The following PPP2CA variants were observed in gnomAD, a reference collection of about 807,000 sequenced individuals.
PPP2CA encodes the protein serine/threonine-protein phosphatase 2A catalytic subunit alpha isoform.
PPP2CA carries 5 observed loss-of-function variants against 38.8 expected under a neutral mutation model. The ratio of observed to expected loss-of-function variants is 0.13; its 90% confidence interval spans 0.07 to 0.27. The LOEUF is 0.27. Among genes scored for constraint, PPP2CA ranks in the 10% least tolerant of loss-of-function variants. The pLI is 1.00. For missense variants in PPP2CA, 88 were observed against 389.7 expected, an observed-to-expected ratio of 0.23 and a Z score of 6.52; for synonymous variants, 152 against 134.0, an observed-to-expected ratio of 1.13 and a Z score of -0.93.
intron 2 of PPP2CA, among the ~76,000 whole-genome samples, chr5:134,202,966 T>C (rs748477954): frequency 1.3e-5 from 2 of 152,228 alleles, no homozygotes; most frequent in African/African-American, 2.4e-5. Flanking sequence ...ATTTCCCTGA[T>C]TACAATTGAT....
chr5:134,202,937 C>T (rs1412591137), intron 2 of PPP2CA, among the ~76,000 whole-genome samples: 1 of 152,218 alleles, frequency 6.6e-6, no homozygotes, highest in Non-Finnish European at 1.5e-5. Flanking sequence ...GAAGTAGTAA[C>T]TCAGTTACTT....
Position 134,200,568 on chromosome 5 carries a change from G to A in PPP2CA, c.577-72C>T, listed in dbSNP as rs1318709094. On this transcript the variant is annotated intron_variant, in intron 4 of 6. Coordinates refer to ENST00000481195, the MANE Select transcript of PPP2CA (RefSeq NM_002715.4). The stretch of plus-strand genomic sequence containing the variant: ...AACACATTATTTGAGTAATTCATCA[G>A]AAGCAGCACCCTAAGCCACCCTTTT... 3.9e-6 allele frequency: 6 copies of A among 1,528,026 alleles called. No homozygotes were observed. The African/African-American group carries it at 5.5e-5, about 14-fold the overall frequency. The allele number at this position is 1,528,026 out of a possible 1,614,324, so 94.7% of individuals were successfully genotyped here. A position where few individuals can be genotyped will look rare whatever the true frequency, so the allele number is the denominator to read the frequency against.
chr5:134,216,013 A>C (rs1216346293), intron 1 of PPP2CA, among the ~76,000 whole-genome samples: 1 of 152,214 alleles, frequency 6.6e-6, no homozygotes, highest in Non-Finnish European at 1.5e-5. Context: ...CTCCAGGGAA[A>C]ACACCCAAGC....
At chr5:134,215,102 T>C (rs1762289121) in intron 1 of PPP2CA, among the ~76,000 whole-genome samples, 2 of 150,532 alleles carry the variant, frequency 1.3e-5, no homozygotes, top group Admixed American at 6.6e-5. Context: ...ATTTACTTTT[T>C]TTTTTTTTTT....
In PPP2CA at chr5:134,201,877, G is replaced by A; in HGVS notation, c.457C>T (p.Leu153Phe). 6.2e-7 allele frequency: 1 copy of A among 1,613,772 alleles called. No individual in the cohort carries two copies. The highest frequency in any genetic ancestry group is 2.2e-5 in the East Asian group (1 of 44,858). The change falls in exon 3 of 7, where the codon CTT becomes TTT. Residue 153 changes from leucine to phenylalanine, a missense_variant. This residue lies in a region of PPP2CA where 36 missense variants were observed against 259.8 expected (regional missense o/e 0.14). Coordinates refer to ENST00000481195, the MANE Select transcript of PPP2CA (RefSeq NM_002715.4). Reference protein sequence around the residue: ...WKYFTDLFDYLPLTALVDGQI... With the variant: ...WKYFTDLFDYFPLTALVDGQI... ...CCATCCACCAAGGCAGTGAGAGGAA[G>A]ATAGTCAAAAAGATCTGTAAAATAT...
chr5:134,206,982 G>A (rs1323191426), intron 1 of PPP2CA, among the ~76,000 whole-genome samples: 1 of 152,190 alleles, frequency 6.6e-6, no homozygotes, highest in Non-Finnish European at 1.5e-5. Context: ...AGGGAAACTG[G>A]GAGAGACCAC....
intron 1 of PPP2CA, among the ~76,000 whole-genome samples, chr5:134,214,571 T>C (rs1247811530): frequency 2.0e-5 from 3 of 152,334 alleles, no homozygotes; most frequent in Non-Finnish European, 2.9e-5. Context: ...CAATGTGGTA[T>C]CACTAATTTA....
intron 6 of PPP2CA, 126 bp from the exon 7 acceptor site, chr5:134,197,970 G>T (rs1761889972): frequency 1.3e-6 from 1 of 742,916 alleles, no homozygotes; most frequent in Non-Finnish European, 2.4e-6. Flanking sequence ...TAATGTAACA[G>T]AACCTTAATG....
intron 1 of PPP2CA, among the ~76,000 whole-genome samples, chr5:134,211,225 G>T (rs1762197747): frequency 6.6e-6 from 1 of 151,950 alleles, no homozygotes. Flanking sequence ...CGAGTAGCTG[G>T]GACTGCAGGC....
intron 1 of PPP2CA, among the ~76,000 whole-genome samples, chr5:134,222,259 C>A (rs1416979716): frequency 1.3e-5 from 2 of 152,132 alleles, no homozygotes; most frequent in African/African-American, 4.8e-5. Flanking sequence ...GCTTCCCCCA[C>A]CTGCTTGTCC....
intron 2 of PPP2CA, among the ~76,000 whole-genome samples, chr5:134,203,179 C>T (rs554254608): frequency 1.1e-4 from 16 of 151,618 alleles, no homozygotes; most frequent in Non-Finnish European, 1.5e-4. Context: ...TGATAAAGTC[C>T]GATTTTTCAA....
At chr5:134,219,347 T>C (rs747917331) in intron 1 of PPP2CA, among the ~76,000 whole-genome samples, 1 of 152,260 alleles carries the variant, frequency 6.6e-6, no homozygotes, top group Non-Finnish European at 1.5e-5. Context: ...AAATGTACAC[T>C]GTCACACGAT....
intron 1 of PPP2CA, among the ~76,000 whole-genome samples, chr5:134,211,262 T>G (rs1762198444): frequency 1.3e-5 from 2 of 152,018 alleles, no homozygotes; most frequent in African/African-American, 4.8e-5. Context: ...ACTATCTTAT[T>G]ACCAATGTCC....
intron 1 of PPP2CA, chr5:134,225,493 C>G (rs1010022101): frequency 4.9e-6 from 2 of 406,058 alleles, no homozygotes; most frequent in African/African-American, 2.1e-5. Context: ...CCCCTGCCAC[C>G]TCGTCTGGCG....
At chr5:134,204,417 G>A (rs1376126742) in intron 2 of PPP2CA, among the ~76,000 whole-genome samples, 1 of 152,214 alleles carries the variant, frequency 6.6e-6, no homozygotes, top group Non-Finnish European at 1.5e-5. Flanking sequence ...TGTAATGCAT[G>A]TAATTTTGGA....
intron 4 of PPP2CA, among the ~76,000 whole-genome samples, chr5:134,200,712 C>A (rs1006841697): frequency 1.3e-5 from 2 of 152,202 alleles, no homozygotes; most frequent in Non-Finnish European, 2.9e-5. Flanking sequence ...TGGGACCCAG[C>A]AGCAACATGC....
At chr5:134,208,720 C>T (rs774795763) in intron 1 of PPP2CA, among the ~76,000 whole-genome samples, 9 of 152,080 alleles carry the variant, frequency 5.9e-5, no homozygotes, top group Non-Finnish European at 8.8e-5. Flanking sequence ...ATCATTAAGT[C>T]GAAAAATTGG....
At chr5:134,225,709 C>T (rs1357897264) in intron 1 of PPP2CA, 51 bp downstream of exon 1, 2 of 1,557,550 alleles carry the variant, frequency 1.3e-6, no homozygotes, top group Middle Eastern at 1.7e-4. Context: ...CCGCCTTTTC[C>T]TCGGCGGGCT....
intron 1 of PPP2CA, among the ~76,000 whole-genome samples, chr5:134,219,633 ATC>A (rs1762394754): frequency 6.6e-6 from 1 of 152,204 alleles, no homozygotes; most frequent in South Asian, 2.1e-4. Flanking sequence ...ATATACACGC[ATC>A]TGTGTCACTG....
Sources: allele counts gnomAD v4.1 joint callset (sites outside exome capture counted in the v4.1 genomes callset), GRCh38; gene constraint gnomAD v4.1.1; regional missense constraint gnomAD v4.1.1; transcripts MANE v1.5; gene names NCBI Gene and HGNC (gene_info 2026-07-23, HGNC 2026-07-21).